Variants in KCNH8 observed in about 807,000 individuals in gnomAD.
The protein encoded by KCNH8 is potassium voltage-gated channel subfamily H member 8.
A neutral mutation model predicts 103.6 loss-of-function variants in KCNH8; 70 were observed. The observed-to-expected ratio is 0.68, with a 90% CI of 0.56 to 0.82. KCNH8 has a LOEUF of 0.82. Among genes scored for constraint, KCNH8 ranks in the 40% least tolerant of loss-of-function variants. KCNH8 has a pLI of 0.00. For synonymous variants in KCNH8, 498 were observed against 489.4 expected (o/e 1.02, Z -0.23); for missense variants, 1,217 against 1,329.9 (o/e 0.92, Z 1.32).
rs1559333758 is a variant in KCNH8, at chr3:19,451,300, C to T, written c.1721C>T (p.Pro574Leu). Residue 574 changes from proline to leucine, a missense_variant, in exon 10 of 16, where the codon CCG becomes CTG. By Grantham distance (98) the Pro-to-Leu change is moderately conservative. Transcript: ENST00000328405. ...CACATCAAAACCTCTTTCTGTGCTC[C>T]GGGGGAGTATCTGCTGCGTCAAGGG... ...SLHIKTSFCA[P>L]GEYLLRQGDA... is the part of the protein sequence containing the mutation. 4 of 1,613,862 alleles carry T rather than the reference C, an allele frequency of 2.5e-6. No homozygotes were observed. Among genetic ancestry groups the T allele is most frequent in the Non-Finnish European group, 2.5e-6 (3 of 1,179,874 alleles).
intron 1 of KCNH8, among the ~76,000 whole-genome samples, chr3:19,223,076 T>C (rs1318460901): frequency 2.0e-5 from 3 of 152,282 alleles, no homozygotes; most frequent in East Asian, 3.9e-4. Context: ...TAATTAGCAC[T>C]CTAGGTATAA....
chr3:19,451,447 G>T (rs2067446382), intron 10 of KCNH8, 43 bp downstream of exon 10: 13 of 1,590,390 alleles, frequency 8.2e-6, no homozygotes, highest in Admixed American at 1.7e-5. Flanking sequence ...TGACTCTGGA[G>T]CATAAATTAA....
intron 1 of KCNH8, among the ~76,000 whole-genome samples, chr3:19,213,262 AATAGG>A (rs2063787882): frequency 6.6e-6 from 1 of 152,142 alleles, no homozygotes; most frequent in Admixed American, 6.6e-5. Context: ...TATCTTTTTT[AATAGG>A]AGTGTTCTAG....
chr3:19,319,269 G>A (rs1330741664), intron 3 of KCNH8, among the ~76,000 whole-genome samples: 1 of 152,024 alleles, frequency 6.6e-6, no homozygotes, highest in East Asian at 1.9e-4. Context: ...TTTTTCTGGT[G>A]TTATCTTCTA....
chr3:19,152,310 T>C (rs979151128), intron 1 of KCNH8, among the ~76,000 whole-genome samples: 1 of 152,174 alleles, frequency 6.6e-6, no homozygotes, highest in Non-Finnish European at 1.5e-5. Flanking sequence ...AAAAATAGTA[T>C]TTTTAGTACA....
At chr3:19,528,654 T>C (rs2069106982) in intron 15 of KCNH8, among the ~76,000 whole-genome samples, 1 of 152,112 alleles carries the variant, frequency 6.6e-6, no homozygotes, top group Non-Finnish European at 1.5e-5. Flanking sequence ...GCTTTTCCAA[T>C]ACAATTTTGT....
At chr3:19,409,476 C>G (rs1444333612) in intron 7 of KCNH8, among the ~76,000 whole-genome samples, 1 of 152,114 alleles carries the variant, frequency 6.6e-6, no homozygotes, top group African/African-American at 2.4e-5. Context: ...ACACAGCGAA[C>G]AGCTAACAAC....
At chr3:19,392,256 A>G (rs1299576472) in intron 6 of KCNH8, among the ~76,000 whole-genome samples, 7 of 149,578 alleles carry the variant, frequency 4.7e-5, no homozygotes, top group South Asian at 2.1e-4. Context: ...CTTTTCGTCA[A>G]TCTTATGTAA....
intron 1 of KCNH8, among the ~76,000 whole-genome samples, chr3:19,159,912 A>G (rs1449632019): frequency 6.6e-6 from 1 of 152,146 alleles, no homozygotes; most frequent in Non-Finnish European, 1.5e-5. Flanking sequence ...ATTATAGTGT[A>G]TGTATACATG....
At chr3:19,323,742 G>A (rs895422587) in intron 3 of KCNH8, among the ~76,000 whole-genome samples, 2 of 152,064 alleles carry the variant, frequency 1.3e-5, no homozygotes, top group Non-Finnish European at 2.9e-5. Context: ...GGGGCTTCCT[G>A]AGATCCGAAC....
intron 2 of KCNH8, among the ~76,000 whole-genome samples, chr3:19,278,217 G>A (rs1219970819): frequency 6.6e-6 from 1 of 152,118 alleles, no homozygotes; most frequent in Non-Finnish European, 1.5e-5. Context: ...TAAGTATAAA[G>A]AGTCTTGCAT....
At chr3:19,480,897 G>C (rs2068074138) in intron 11 of KCNH8, among the ~76,000 whole-genome samples, 1 of 152,136 alleles carries the variant, frequency 6.6e-6, no homozygotes, top group African/African-American at 2.4e-5. Flanking sequence ...CAAAGTGATA[G>C]AGCAATTTAG....
At chr3:19,331,755 A>T (rs971692743) in intron 3 of KCNH8, among the ~76,000 whole-genome samples, 9 of 152,222 alleles carry the variant, frequency 5.9e-5, no homozygotes, top group Admixed American at 2.6e-4. Context: ...TTCCAATTAT[A>T]CCCTTTTAAG....
At chr3:19,182,971 A>G (rs1201458709) in intron 1 of KCNH8, among the ~76,000 whole-genome samples, 1 of 152,248 alleles carries the variant, frequency 6.6e-6, no homozygotes, top group Admixed American at 6.5e-5. Flanking sequence ...TGGATACAGA[A>G]AAAATTTAAG....
At chr3:19,428,507 C>T (rs1035234379) in intron 7 of KCNH8, among the ~76,000 whole-genome samples, 1 of 152,090 alleles carries the variant, frequency 6.6e-6, no homozygotes, top group Non-Finnish European at 1.5e-5. Flanking sequence ...GCATAATTTT[C>T]AGTAAAACAG....
intron 1 of KCNH8, among the ~76,000 whole-genome samples, chr3:19,207,991 T>TAAC (rs2063733981): frequency 6.6e-6 from 1 of 152,030 alleles, no homozygotes; most frequent in South Asian, 2.1e-4. Context: ...GGTGCTCAGT[T>TAAC]TAGTTAATAT....
intron 7 of KCNH8, among the ~76,000 whole-genome samples, chr3:19,402,227 ATTG>A (rs1476046818): frequency 1.3e-5 from 2 of 151,962 alleles, no homozygotes; most frequent in African/African-American, 4.8e-5. Context: ...TTTTGTACAT[ATTG>A]TTAATACTCT....
At chr3:19,324,211 G>T (rs1033999237) in intron 3 of KCNH8, among the ~76,000 whole-genome samples, 1 of 152,114 alleles carries the variant, frequency 6.6e-6, no homozygotes, top group Non-Finnish European at 1.5e-5. Context: ...GTTTCCAGGC[G>T]AATGGAGTTA....
intron 1 of KCNH8, among the ~76,000 whole-genome samples, chr3:19,174,046 C>G (rs2063374448): frequency 6.6e-6 from 1 of 151,044 alleles, no homozygotes; most frequent in Non-Finnish European, 1.5e-5. Context: ...TCACCACCCC[C>G]AGCACTTGGC....
Sources: allele counts gnomAD v4.1 joint callset (sites outside exome capture counted in the v4.1 genomes callset), GRCh38; gene constraint gnomAD v4.1.1; transcripts MANE v1.5; gene names NCBI Gene and HGNC (gene_info 2026-07-23, HGNC 2026-07-21).